Variants in TBC1D12 observed in about 807,000 individuals in gnomAD.
TBC1D12 encodes TBC1 domain family member 12, also known as TBC1 domain family, member 12.
In TBC1D12, 56 loss-of-function variants were observed where a neutral mutation model predicts 86.7. The ratio of observed to expected loss-of-function variants is 0.65; its 90% CI spans 0.52 to 0.81. TBC1D12 has a LOEUF of 0.81. TBC1D12 is among the 30% of genes least tolerant of loss of function. TBC1D12 has a pLI of 0.00. For synonymous variants in TBC1D12, 421 were observed against 411.7 expected (o/e 1.02, Z -0.27); for missense variants, 1,023 against 1,038.8 (o/e 0.98, Z 0.21).
Position 94,403,230 on chromosome 10 carries a change from C to G in TBC1D12, c.617C>G (p.Ala206Gly). The change falls in exon 1 of 13, where the codon GCC (alanine) becomes GGC (glycine). Residue 206 changes from alanine (A) to glycine (G), a missense_variant. By Grantham distance (60) the Ala-to-Gly change is moderately conservative. Around this residue, in one of 2 missense-constraint regions of TBC1D12, gnomAD observed 628 missense variants for 531.1 expected, o/e 1.18. Coordinates refer to ENST00000225235, the MANE Select transcript of TBC1D12 (RefSeq NM_015188.2). Reference protein sequence around the residue: ...EDPLRSCCLVAADAQEPEGAG... With the variant: ...EDPLRSCCLVGADAQEPEGAG... ...CCGCTGCGGAGCTGCTGCCTGGTGG[C>G]CGCGGACGCCCAGGAGCCCGAGGGC... The G allele has an allele frequency of 3.3e-6, 5 of 1,506,718 alleles. No homozygotes were observed. The African/African-American group carries it at 4.4e-5, about 13-fold the overall frequency. The allele number at this position is 1,506,718 out of a possible 1,614,324, so 93.3% of individuals were successfully genotyped here. A position where few individuals can be genotyped will look rare whatever the true frequency, so the allele number is the denominator to read the frequency against.
intron 1 of TBC1D12, among the ~76,000 whole-genome samples, chr10:94,406,195 A>G (rs1190761646): frequency 6.6e-6 from 1 of 152,226 alleles, no homozygotes; most frequent in Non-Finnish European, 1.5e-5. Flanking sequence ...TGTTTTAAGT[A>G]GGCAGGAATT....
At chr10:94,411,364 A>G in intron 1 of TBC1D12, among the ~76,000 whole-genome samples, 1 of 152,202 alleles carries the variant, frequency 6.6e-6, no homozygotes, top group East Asian at 1.9e-4. Context: ...TTATTTCATG[A>G]AGGTTGCCAC....
At chr10:94,503,890 G>T (rs2056429566) in intron 6 of TBC1D12, among the ~76,000 whole-genome samples, 1 of 152,192 alleles carries the variant, frequency 6.6e-6, no homozygotes, top group Non-Finnish European at 1.5e-5. Context: ...CTCCCAAAGT[G>T]CTGGGCTTAC....
rs879706393 is a variant in TBC1D12 at position 94,511,237 on chromosome 10, A to G, written c.1690-346A>G. ...CTCAGCCACCCGAGTAGCTGGAATT[A>G]CAGGCGTATGACACCATGCCCAGCT... On this transcript the variant is annotated intron_variant, in intron 8 of 12. Transcript: ENST00000225235. Among the ~76,000 whole-genome samples, 6 of 151,290 alleles carry G rather than the reference A, an allele frequency of 4.0e-5. No individual in the cohort carries two copies. The Admixed American group carries it at 4.0e-4, about 10-fold the overall frequency.
At chr10:94,500,031 C>T (rs1392077051) in intron 5 of TBC1D12, among the ~76,000 whole-genome samples, 190 bp from the exon 6 acceptor site, 6 of 152,114 alleles carry the variant, frequency 3.9e-5, no homozygotes, top group African/African-American at 1.4e-4. Context: ...CTTTGGGATC[C>T]TATACATCTT....
At chr10:94,444,583 A>G (rs1209975693) in intron 2 of TBC1D12, among the ~76,000 whole-genome samples, 1 of 152,200 alleles carries the variant, frequency 6.6e-6, no homozygotes, top group East Asian at 1.9e-4. Flanking sequence ...ATGCACATAC[A>G]TTTTTATATC....
chr10:94,428,171 A>C (rs957028435), intron 1 of TBC1D12, among the ~76,000 whole-genome samples: 4 of 151,996 alleles, frequency 2.6e-5, no homozygotes, highest in Non-Finnish European at 4.4e-5. Flanking sequence ...TAGTAGTGTG[A>C]CCTTGGCAAA....
At chr10:94,480,448 TTC>T (rs2056060619) in intron 3 of TBC1D12, among the ~76,000 whole-genome samples, 1 of 152,122 alleles carries the variant, frequency 6.6e-6, no homozygotes, top group African/African-American at 2.4e-5. Flanking sequence ...TTTTTTTCAC[TTC>T]TAAGAACACC....
chr10:94,495,079 A>C (rs1306939737), intron 4 of TBC1D12, among the ~76,000 whole-genome samples: 1 of 150,314 alleles, frequency 6.7e-6, no homozygotes, highest in African/African-American at 2.5e-5. Flanking sequence ...GCTGGAGTGC[A>C]GTGGCGCAAT....
chr10:94,412,706 G>A (rs2054942692), intron 1 of TBC1D12, among the ~76,000 whole-genome samples: 1 of 151,792 alleles, frequency 6.6e-6, no homozygotes, highest in African/African-American at 2.4e-5. Context: ...AACATTTGGA[G>A]ATTTTGAGAC....
intron 2 of TBC1D12, among the ~76,000 whole-genome samples, chr10:94,454,802 C>T (rs1388792208): frequency 2.0e-5 from 3 of 152,144 alleles, no homozygotes; most frequent in African/African-American, 7.2e-5. Context: ...TTTGGACTTT[C>T]TCCATAGACA....
At chr10:94,450,367 G>A (rs919928720) in intron 2 of TBC1D12, among the ~76,000 whole-genome samples, 7 of 151,822 alleles carry the variant, frequency 4.6e-5, no homozygotes, top group Admixed American at 1.3e-4. Flanking sequence ...GTGTTCCTAA[G>A]TGTATTAGTA....
chr10:94,494,767 C>T (rs2056293084), intron 4 of TBC1D12, among the ~76,000 whole-genome samples: 3 of 152,182 alleles, frequency 2.0e-5, no homozygotes, highest in Non-Finnish European at 2.9e-5. Flanking sequence ...TAGTCTTAAA[C>T]TCCTGACCTC....
chr10:94,426,752 A>G (rs1013769661), intron 1 of TBC1D12, among the ~76,000 whole-genome samples: 3 of 151,780 alleles, frequency 2.0e-5, no homozygotes, highest in Non-Finnish European at 2.9e-5. Context: ...AATTTTTTGT[A>G]TTTTTAGTAG....
At chr10:94,453,618 G>A (rs1045512824) in intron 2 of TBC1D12, among the ~76,000 whole-genome samples, 4 of 152,142 alleles carry the variant, frequency 2.6e-5, no homozygotes, top group Non-Finnish European at 5.9e-5. Context: ...CAAGGATAAG[G>A]GGGGACTACT....
At chr10:94,511,760 C>G in intron 9 of TBC1D12, 106 bp downstream of exon 9, 2 of 810,408 alleles carry the variant, frequency 2.5e-6, no homozygotes, top group Non-Finnish European at 4.0e-6. Flanking sequence ...ATTTCTATGT[C>G]TGTTTTTCTT....
intron 2 of TBC1D12, among the ~76,000 whole-genome samples, chr10:94,450,707 C>T (rs2055537284): frequency 6.6e-6 from 1 of 152,038 alleles, no homozygotes; most frequent in East Asian, 1.9e-4. Context: ...GAGACATATG[C>T]AACCCCATGT....
intron 2 of TBC1D12, among the ~76,000 whole-genome samples, chr10:94,451,030 G>C (rs562512581): frequency 7.9e-5 from 12 of 152,078 alleles, no homozygotes; most frequent in Non-Finnish European, 1.8e-4. Context: ...TAGGAGGAAG[G>C]TGGTGGTGGG....
At chr10:94,444,460 C>T (rs79031719) in intron 2 of TBC1D12, among the ~76,000 whole-genome samples, 1 of 151,952 alleles carries the variant, frequency 6.6e-6, no homozygotes, top group Non-Finnish European at 1.5e-5. Context: ...AAAGTAACGT[C>T]TCTCGTCTAG....
Sources: gnomAD v4.1 joint callset for allele counts (sites outside exome capture counted in the v4.1 genomes callset) on GRCh38, gnomAD v4.1.1 for gene constraint, gnomAD v4.1.1 regional missense constraint, MANE v1.5 for transcripts, NCBI Gene and HGNC (gene_info 2026-07-23, HGNC 2026-07-21) for gene names.